Variants in PAXIP1 observed in about 807,000 individuals in gnomAD.
The protein encoded by PAXIP1 is PAX interacting protein 1, also known as PAX-interacting protein 1.
Under a neutral mutation model 140.6 loss-of-function variants are expected in PAXIP1, and 19 were observed. The observed-to-expected ratio is 0.14, with a 90% confidence interval of 0.09 to 0.20. PAXIP1 has a LOEUF of 0.20. PAXIP1 is among the 10% of genes least tolerant of loss of function. PAXIP1 has a pLI of 1.00. For missense variants in PAXIP1, 920 were observed against 1,208.6 expected, an observed-to-expected ratio of 0.76 and a Z score of 3.54; for synonymous variants, 442 against 444.6, an observed-to-expected ratio of 0.99 and a Z score of 0.07.
chr7:154,957,744 G>C (rs1808584402), intron 13 of PAXIP1, among the ~76,000 whole-genome samples: 1 of 151,524 alleles, frequency 6.6e-6, no homozygotes, highest in East Asian at 2.0e-4. Flanking sequence ...GAGGCGGGTG[G>C]ATCATGAGGT....
At chr7:154,952,240 C>T (rs987705400) in intron 16 of PAXIP1, 2 of 152,108 alleles carry the variant, frequency 1.3e-5, no homozygotes, top group African/African-American at 4.8e-5. Context: ...AATTTTCCTC[C>T]CCTCTGAAAT....
intron 2 of PAXIP1, among the ~76,000 whole-genome samples, chr7:154,996,748 T>G (rs1024592741): frequency 6.6e-6 from 1 of 152,292 alleles, no homozygotes; most frequent in East Asian, 1.9e-4. Context: ...ACATTTCAGT[T>G]TGGGCAATTT....
chr7:154,984,910 A>G (rs552703836), intron 4 of PAXIP1, among the ~76,000 whole-genome samples: 2 of 152,180 alleles, frequency 1.3e-5, no homozygotes, highest in African/African-American at 2.4e-5. Flanking sequence ...GGCCTGTGTC[A>G]CAGGCGTAGA....
chr7:154,968,783 TGCTGTGGAAACTGTA>T lies in PAXIP1; in HGVS notation c.1403_1417del (p.Leu468_Gln472del). The T allele has an allele frequency of 1.4e-6, 1 of 721,230 alleles. No individual in the cohort carries two copies. Among genetic ancestry groups the T allele is most frequent in the Non-Finnish European group, 2.6e-6 (1 of 387,616 alleles). 44.7% of individuals were successfully genotyped at this position (721,230 alleles called of 1,614,324 possible). A position where few individuals can be genotyped will look rare whatever the true frequency, so the allele number is the denominator to read the frequency against. On this transcript the variant is annotated inframe_deletion, in exon 7 of 21. Transcript: ENST00000404141. ...CAGCTGCTGTGGAGGATGCAACTGT[TGCTGTGGAAACTGTA>T]GCTGTTGCTGTGAAAACTGATGCGG...
In PAXIP1 at chr7:154,968,999, A is replaced by G; in HGVS notation, c.1202T>C (p.Leu401Pro). Residue 401 changes from leucine (L) to proline (P), a missense_variant, in exon 7 of 21, where the codon CTA (leucine) becomes CCA (proline). Physicochemically the swap from Leu to Pro is moderately conservative, Grantham distance 98. Coordinates refer to ENST00000404141, the MANE Select transcript of PAXIP1 (RefSeq NM_007349.4). ...CTGCTGGGCCTGCTGCTGCTGCTGT[A>G]GCATGTGTGTCTCTGGAGTCACTTT... Reference protein sequence around the residue: ...QVKVTPETHMLQQQQQAQQQQ... With the variant: ...QVKVTPETHMPQQQQQAQQQQ... 2.2e-5 allele frequency: 34 copies of G among 1,551,054 alleles called. No homozygotes were observed. Among genetic ancestry groups the G allele is most frequent in the Non-Finnish European group, 2.9e-5 (33 of 1,146,770 alleles).
chr7:154,984,741 AT>A (rs1358875455), intron 4 of PAXIP1, among the ~76,000 whole-genome samples: 1 of 152,240 alleles, frequency 6.6e-6, no homozygotes, highest in Admixed American at 6.5e-5. Flanking sequence ...TAATTATATG[AT>A]AATACAGATT....
At position 154,983,225 on chromosome 7, in the gene PAXIP1, T is replaced by C; in HGVS notation, c.432A>G (p.Pro144=). 1.3e-6 allele frequency: 2 copies of C among 1,580,204 alleles called. No homozygotes were observed. Among genetic ancestry groups the C allele is most frequent in the Non-Finnish European group, 1.7e-6 (2 of 1,158,804 alleles). The change falls in exon 5 of 21, where the codon CCA becomes CCG. Residue 144 remains proline (P), a synonymous_variant. Coordinates refer to ENST00000404141, the MANE Select transcript of PAXIP1 (RefSeq NM_007349.4). ...KKCTHLIVPE[P]KGEKYECALK... is the part of the protein sequence containing the mutation. ...TGGCACAAGAAACGCTTACCCCCTT[T>C]GGCTCTGGAACAATCAAATGCGTGC...
Position 154,946,561 on chromosome 7 carries a change from G to A in PAXIP1, c.3084C>T (p.Ser1028=). ...GGCATAAATGAAGGTCATTTTCACA[G>A]GATATTAAAATTATTTCCGACAAAC... is the stretch of plus-strand genomic sequence containing the variant. ...NSSLSEIILI[S]CENDLHLCRE... Residue 1028 remains serine, a synonymous_variant, in exon 19 of 21, where the codon TCC becomes TCT. Coordinates refer to ENST00000404141, the MANE Select transcript of PAXIP1 (RefSeq NM_007349.4). This position sits in a 1 kb window ranked among gnomAD's most constrained non-coding sequence, Gnocchi z 4.9. 6.2e-7 allele frequency: 1 copy of A among 1,613,874 alleles called. No homozygotes were observed. Among genetic ancestry groups the A allele is most frequent in the Non-Finnish European group, 8.5e-7 (1 of 1,179,812 alleles).
chr7:155,000,813 C>A (rs1810854036), intron 1 of PAXIP1: 1 of 152,192 alleles, frequency 6.6e-6, no homozygotes, highest in Admixed American at 6.5e-5. Flanking sequence ...GCCTTCATTC[C>A]TCAGCACATA....
In PAXIP1 at chr7:154,944,184, C is replaced by T. The variant is rs370234583; in HGVS notation, c.3195-20G>A. 1.4e-5 allele frequency: 22 copies of T among 1,592,446 alleles called. No homozygotes were observed. Among genetic ancestry groups the T allele is most frequent in the East Asian group, 1.1e-4 (5 of 44,480 alleles). On this transcript the variant is annotated intron_variant, in intron 20 of 20. Coordinates refer to ENST00000404141, the MANE Select transcript of PAXIP1 (RefSeq NM_007349.4). Reference sequence around the variant, plus strand: ...TTATATGTAGGCTTGTTGAGGAAAACGACTTTCAAACACAAGGCAAAAGAA... The same window carrying T: ...TTATATGTAGGCTTGTTGAGGAAAATGACTTTCAAACACAAGGCAAAAGAA...
chr7:154,978,543 C>A (rs1287444527), intron 5 of PAXIP1, among the ~76,000 whole-genome samples: 1 of 152,126 alleles, frequency 6.6e-6, no homozygotes, highest in African/African-American at 2.4e-5. Flanking sequence ...ATAGCTCTCC[C>A]CAGATGATAA....
intron 2 of PAXIP1, among the ~76,000 whole-genome samples, chr7:154,995,048 C>G (rs1810511262): frequency 6.6e-6 from 1 of 152,206 alleles, no homozygotes; most frequent in African/African-American, 2.4e-5. Flanking sequence ...CTCCTTTCAA[C>G]AGCAACACCC....
chr7:154,976,467 G>C, intron 5 of PAXIP1, 136 bp from the exon 6 acceptor site: 1 of 1,229,058 alleles, frequency 8.1e-7, no homozygotes, highest in South Asian at 1.5e-5. Flanking sequence ...ATTTTATACA[G>C]AAGCAACGTT....
chr7:154,976,480 A>T (rs1809585987), intron 5 of PAXIP1, 149 bp from the exon 6 acceptor site: 1 of 1,151,098 alleles, frequency 8.7e-7, no homozygotes, highest in Admixed American at 2.6e-5. Flanking sequence ...GCAACGTTTG[A>T]TCTTTTAGAC....
At chr7:154,965,390 T>C (rs1187818480) in intron 8 of PAXIP1, 1 of 152,232 alleles carries the variant, frequency 6.6e-6, no homozygotes, top group African/African-American at 2.4e-5. Context: ...TGAGAGGTAA[T>C]GTTTATTGTT....
chr7:154,967,812 T>C lies in PAXIP1; in HGVS notation c.1893+4A>G. 6.2e-7 allele frequency: 1 copy of C among 1,605,710 alleles called. No individual in the cohort carries two copies. Among genetic ancestry groups the C allele is most frequent in the Non-Finnish European group, 8.5e-7 (1 of 1,172,464 alleles). On this transcript the variant is annotated splice_donor_region_variant and intron_variant, in intron 8 of 20. Coordinates refer to ENST00000404141, the MANE Select transcript of PAXIP1 (RefSeq NM_007349.4). The stretch of plus-strand genomic sequence containing the variant: ...AGTCATCCTTCCTCCAGGCACAATC[T>C]CACCCTTTTCCAGGTGGCCAGCAGT...
Position 154,944,085 on chromosome 7 carries a change from C to A in PAXIP1, c.*64G>T, listed in dbSNP as rs1220368123. On this transcript the variant is annotated 3_prime_UTR_variant, in exon 21 of 21. Coordinates refer to ENST00000404141, the MANE Select transcript of PAXIP1 (RefSeq NM_007349.4). The stretch of plus-strand genomic sequence containing the variant: ...AGCATGTGAAGGAAGCGCAGCAGCT[C>A]CTCGCCAGCCAGACAGCCAGCCCCG... 6.4e-7 allele frequency: 1 copy of A among 1,562,304 alleles called. No homozygotes were observed. Among genetic ancestry groups the A allele is most frequent in the Non-Finnish European group, 8.8e-7 (1 of 1,136,338 alleles).
At chr7:154,967,559 C>G (rs1184986207) in intron 8 of PAXIP1, 1 of 444,008 alleles carries the variant, frequency 2.3e-6, no homozygotes, top group Admixed American at 4.1e-5. Context: ...CAATTATACA[C>G]ATATAATTAG....
chr7:154,976,239 G>A lies in PAXIP1; in HGVS notation c.531C>T (p.Asp177=), dbSNP rs117838262. ...TCAGACGAGGATGATAAAATGCTTC[G>A]TCCTTTTTGGTTTTCTCTGATACGC... ...LDCVSEKTKK[D]EAFYHPRLII... The change falls in exon 6 of 21, where the codon GAC becomes GAT. Residue 177 remains aspartate (D), a synonymous_variant. Coordinates refer to ENST00000404141, the MANE Select transcript of PAXIP1 (RefSeq NM_007349.4). 3.9e-5 allele frequency: 63 copies of A among 1,613,606 alleles called. 1 individual carries two copies. The East Asian group carries it at 1.2e-3, about 30-fold the overall frequency.
Sources: gnomAD v4.1 joint callset for allele counts (sites outside exome capture counted in the v4.1 genomes callset) on GRCh38, gnomAD v4.1.1 for gene constraint, Gnocchi (gnomAD v3.1) non-coding constraint, MANE v1.5 for transcripts, NCBI Gene and HGNC (gene_info 2026-07-23, HGNC 2026-07-21) for gene names.